ENTPD1: variants seen among roughly 807,000 people sequenced by gnomAD.
The protein encoded by ENTPD1 is ATP diphosphohydrolase.
In ENTPD1, 33 loss-of-function variants were observed where a neutral mutation model predicts 57.0. That is an observed-to-expected ratio of 0.58 (90% CI 0.44 to 0.77). The LOEUF (loss-of-function observed/expected upper bound fraction) is 0.77. Ranked by LOEUF, ENTPD1 falls within the 30% of genes least tolerant of loss-of-function variation. ENTPD1 has a pLI of 0.00. For synonymous variants in ENTPD1, 202 were observed against 218.8 expected, an observed-to-expected ratio of 0.92 and a Z score of 0.68; for missense variants, 501 against 603.4, an observed-to-expected ratio of 0.83 and a Z score of 1.78.
chr10:95,866,615 T>A lies in ENTPD1; in HGVS notation c.*232T>A. On this transcript the variant is annotated 3_prime_UTR_variant, in exon 10 of 10. Coordinates refer to ENST00000371205, the MANE Select transcript of ENTPD1 (RefSeq NM_001776.6). ...TCATGAGTTTTTCCCAGCTACACCT[T>A]TCTCCTTTGTACTTTGTGCTTGTAT... is the stretch of plus-strand genomic sequence containing the variant. 7.3e-7 allele frequency: 1 copy of A among 1,377,652 alleles called. No homozygotes were observed. The highest frequency in any genetic ancestry group is 9.4e-7 in the Non-Finnish European group (1 of 1,064,834). 85.3% of individuals were successfully genotyped at this position (1,377,652 alleles called of 1,614,324 possible).
chr10:95,827,439 A>G (rs1011791262), intron 2 of ENTPD1, among the ~76,000 whole-genome samples: 2 of 151,654 alleles, frequency 1.3e-5, no homozygotes, highest in Non-Finnish European at 2.9e-5. Flanking sequence ...TGGGTGACAG[A>G]GCAAGACTCT....
intron 1 of ENTPD1, among the ~76,000 whole-genome samples, chr10:95,804,367 C>T (rs2098263522): frequency 6.6e-6 from 1 of 152,188 alleles, no homozygotes; most frequent in Non-Finnish European, 1.5e-5. Context: ...TTTCATTGAG[C>T]AGTGGATTGT....
chr10:95,740,850 C>G (rs1438873061), intron 1 of ENTPD1, among the ~76,000 whole-genome samples: 1 of 152,190 alleles, frequency 6.6e-6, no homozygotes, highest in East Asian at 1.9e-4. Context: ...TTTTCTTCTG[C>G]AGCTTTCTTA....
chr10:95,874,206 A>C lies in ENTPD1; in HGVS notation c.*7823A>C, dbSNP rs910455676. Among the ~76,000 whole-genome samples the C allele has an allele frequency of 6.6e-6, 1 of 152,180 alleles. No individual in the cohort carries two copies. Among genetic ancestry groups the C allele is most frequent in the African/African-American group, 2.4e-5 (1 of 41,450 alleles). Reference sequence around the variant, plus strand: ...GACAAGGCAAGTCCCTTCCACTTACAAGCCTGTAAAAGCAAGCTAGTTACC... The same window carrying C: ...GACAAGGCAAGTCCCTTCCACTTACCAGCCTGTAAAAGCAAGCTAGTTACC... On this transcript the variant is annotated 3_prime_UTR_variant, in exon 10 of 10. Coordinates refer to ENST00000371205, the MANE Select transcript of ENTPD1 (RefSeq NM_001776.6).
chr10:95,764,250 C>T (rs1052383800), intron 1 of ENTPD1, among the ~76,000 whole-genome samples: 1 of 152,220 alleles, frequency 6.6e-6, no homozygotes, highest in Non-Finnish European at 1.5e-5. Context: ...CATTTCATAG[C>T]ATATATCCCA....
intron 1 of ENTPD1, among the ~76,000 whole-genome samples, chr10:95,803,270 C>A (rs998940262): frequency 6.6e-6 from 1 of 152,102 alleles, no homozygotes; most frequent in Non-Finnish European, 1.5e-5. Flanking sequence ...GTTCTAGATC[C>A]TTGGATCACC....
chr10:95,872,791 T>A lies in ENTPD1; in HGVS notation c.*6408T>A. The A allele has an allele frequency of 1.0e-6, 1 of 985,404 alleles. No homozygotes were observed. Among genetic ancestry groups the A allele is most frequent in the African/African-American group, 1.7e-5 (1 of 57,334 alleles). 61.0% of individuals were successfully genotyped at this position (985,404 alleles called of 1,614,324 possible). On this transcript the variant is annotated 3_prime_UTR_variant, in exon 10 of 10. Transcript: ENST00000371205. ...CACTAGTTCTGCTTCACTCTATTTA[T>A]CTCTTGATGTAACCATCTTCTTTCT...
intron 1 of ENTPD1, chr10:95,756,774 A>G (rs1359566898): frequency 6.7e-6 from 1 of 149,350 alleles, no homozygotes; most frequent in African/African-American, 2.5e-5. Context: ...ACAGGACCCC[A>G]GAGTATGTCT....
At chr10:95,770,138 A>G (rs1318240694) in intron 1 of ENTPD1, among the ~76,000 whole-genome samples, 2 of 110,958 alleles carry the variant, frequency 1.8e-5, no homozygotes, top group Non-Finnish European at 4.1e-5. Flanking sequence ...GTGTAACTAG[A>G]AAAAAAAAAA....
upstream of ENTPD1, among the ~76,000 whole-genome samples, chr10:95,708,286 T>C (rs564455951): frequency 6.6e-6 from 1 of 152,180 alleles, no homozygotes; most frequent in South Asian, 2.1e-4. Context: ...TGACCTCGGC[T>C]CACTACAACC....
chr10:95,864,690 T>C (rs1301580289), intron 8 of ENTPD1, 34 bp from the exon 9 acceptor site: 2 of 1,613,780 alleles, frequency 1.2e-6, no homozygotes, highest in Admixed American at 1.7e-5. Context: ...GTGCCTATCA[T>C]ACGAGTATGA....
chr10:95,868,500 G>A lies in ENTPD1; in HGVS notation c.*2117G>A, dbSNP rs1327174023. 1 of 985,408 alleles carries A rather than the reference G, an allele frequency of 1.0e-6. No individual in the cohort carries two copies. Among genetic ancestry groups the A allele is most frequent in the Non-Finnish European group, 1.2e-6 (1 of 829,938 alleles). 61.0% of individuals were successfully genotyped at this position (985,408 alleles called of 1,614,324 possible). A position where few individuals can be genotyped will look rare whatever the true frequency, so the allele number is the denominator to read the frequency against. ...CAGCATAGTAGATTGACATCAAATA[G>A]TGGCCGATGATGATGAAAATAAAGG... is the stretch of plus-strand genomic sequence containing the variant. On this transcript the variant is annotated 3_prime_UTR_variant, in exon 10 of 10. Transcript: ENST00000371205.
chr10:95,738,546 C>G (rs2097997021), intron 1 of ENTPD1, among the ~76,000 whole-genome samples: 1 of 152,108 alleles, frequency 6.6e-6, no homozygotes, highest in Non-Finnish European at 1.5e-5. Flanking sequence ...TGTGTGTGGT[C>G]AGGGTCAAGA....
At chr10:95,842,252 T>G in intron 3 of ENTPD1, 92 bp from the exon 4 acceptor site, 1 of 1,219,698 alleles carries the variant, frequency 8.2e-7, no homozygotes, top group Non-Finnish European at 1.2e-6. Context: ...TTCTTGTATT[T>G]TTTTCAAAAC....
intron 1 of ENTPD1, among the ~76,000 whole-genome samples, chr10:95,789,635 A>G (rs2098194903): frequency 6.6e-6 from 1 of 152,198 alleles, no homozygotes; most frequent in Non-Finnish European, 1.5e-5. Flanking sequence ...TATGTCATGA[A>G]TGCATAAAAT....
At chr10:95,769,678 G>A (rs748642982) in intron 1 of ENTPD1, among the ~76,000 whole-genome samples, 1 of 152,240 alleles carries the variant, frequency 6.6e-6, no homozygotes, top group South Asian at 2.1e-4. Flanking sequence ...AGGGATATAA[G>A]CAGAGAGACT....
the ENTPD1 span, among the ~76,000 whole-genome samples, chr10:95,697,555 A>G: frequency 1.3e-5 from 2 of 152,172 alleles, no homozygotes; most frequent in Non-Finnish European, 1.5e-5. Flanking sequence ...TAATCCATTC[A>G]CGGGTTAATG....
upstream of ENTPD1, among the ~76,000 whole-genome samples, chr10:95,708,902 T>C (rs1238344284): frequency 6.6e-6 from 1 of 152,324 alleles, no homozygotes; most frequent in Middle Eastern, 3.4e-3. Context: ...GTGAAAAAAA[T>C]TCTGCTCTGG....
intron 1 of ENTPD1, among the ~76,000 whole-genome samples, chr10:95,731,682 AG>A (rs773798608): frequency 2.6e-5 from 4 of 151,570 alleles, no homozygotes; most frequent in Non-Finnish European, 5.9e-5. Context: ...CCTGTTTCCC[AG>A]GGGGTCCCTA....
Sources: gnomAD v4.1 joint callset for allele counts (sites outside exome capture counted in the v4.1 genomes callset) on GRCh38, gnomAD v4.1.1 for gene constraint, MANE v1.5 for transcripts, NCBI Gene and HGNC (gene_info 2026-07-23, HGNC 2026-07-21) for gene names.